The following SAMSN1 variants were observed in gnomAD, a reference collection of about 807,000 sequenced individuals.
SAMSN1 encodes the protein SAM domain-containing protein SAMSN-1.
Under a neutral mutation model 42.0 loss-of-function variants are expected in SAMSN1, and 31 were observed. The ratio of observed to expected loss-of-function variants is 0.74; its 90% CI spans 0.55 to 1.00. The LOEUF is 1.00. SAMSN1 is among the 50% of genes least tolerant of loss of function. SAMSN1 has a pLI of 0.00. For missense variants in SAMSN1, 464 were observed against 439.4 expected (o/e 1.06, Z -0.50); for synonymous variants, 178 against 151.9 (o/e 1.17, Z -1.26).
intron 2 of SAMSN1, among the ~76,000 whole-genome samples, chr21:14,630,350 AAATT>A (rs1232858932): frequency 1.3e-5 from 2 of 152,192 alleles, no homozygotes; most frequent in Non-Finnish European, 2.9e-5. Context: ...TTTTAAGAGA[AAATT>A]AAAGTAGGAA....
intron 1 of SAMSN1, among the ~76,000 whole-genome samples, chr21:14,543,122 C>T (rs1462930005): frequency 6.6e-6 from 1 of 152,124 alleles, no homozygotes; most frequent in East Asian, 1.9e-4. Flanking sequence ...CACATTAAAG[C>T]CCTTAGAAGT....
At chr21:14,491,357 C>T (rs954911991) in intron 7 of SAMSN1, among the ~76,000 whole-genome samples, 3 of 152,098 alleles carry the variant, frequency 2.0e-5, no homozygotes, top group East Asian at 1.9e-4. Flanking sequence ...ATCCTCCTGC[C>T]TCAGCCTCCC....
chr21:14,571,737 G>A (rs1981307908), intron 2 of SAMSN1, among the ~76,000 whole-genome samples: 1 of 152,106 alleles, frequency 6.6e-6, no homozygotes, highest in African/African-American at 2.4e-5. Context: ...TCACAATTCG[G>A]GAGGTCAGAA....
At chr21:14,501,720 G>T (rs1342097483) in intron 5 of SAMSN1, among the ~76,000 whole-genome samples, 1 of 152,106 alleles carries the variant, frequency 6.6e-6, no homozygotes, top group East Asian at 1.9e-4. Context: ...GTACACTAAG[G>T]ATAAATTATG....
chr21:14,608,101 A>C (rs1982611199), intron 5 of SAMSN1, among the ~76,000 whole-genome samples: 1 of 152,228 alleles, frequency 6.6e-6, no homozygotes, highest in East Asian at 1.9e-4. Context: ...CAGGAATACC[A>C]ACTTGAATGG....
intron 7 of SAMSN1, among the ~76,000 whole-genome samples, chr21:14,590,443 A>ATTTAT (rs1982048267): frequency 6.6e-6 from 1 of 151,884 alleles, no homozygotes; most frequent in Non-Finnish European, 1.5e-5. Context: ...ATGCCCGGTA[A>ATTTAT]TTTATTTTAT....
At chr21:14,534,156 T>A (rs1262113450) in intron 1 of SAMSN1, among the ~76,000 whole-genome samples, 1 of 152,248 alleles carries the variant, frequency 6.6e-6, no homozygotes, top group Non-Finnish European at 1.5e-5. Flanking sequence ...AACTATCTTC[T>A]GGAGTAGACT....
chr21:14,588,686 A>G (rs1232350831), intron 7 of SAMSN1, among the ~76,000 whole-genome samples: 2 of 152,232 alleles, frequency 1.3e-5, no homozygotes, highest in African/African-American at 2.4e-5. Flanking sequence ...TGCACATTCC[A>G]TAACTAAGAG....
At chr21:14,565,609 A>C (rs981941666) in intron 2 of SAMSN1, among the ~76,000 whole-genome samples, 2 of 152,174 alleles carry the variant, frequency 1.3e-5, no homozygotes, top group African/African-American at 2.4e-5. Context: ...CACATAAAAT[A>C]TCTCTTAGCA....
At chr21:14,569,860 T>A (rs554707593) in intron 2 of SAMSN1, among the ~76,000 whole-genome samples, 44 of 152,282 alleles carry the variant, frequency 2.9e-4, no homozygotes, top group African/African-American at 1.0e-3. Flanking sequence ...ATGATGGTTC[T>A]TACCAAAAAC....
intron 7 of SAMSN1, among the ~76,000 whole-genome samples, chr21:14,491,279 T>C (rs1986673488): frequency 6.6e-6 from 1 of 151,930 alleles, no homozygotes; most frequent in South Asian, 2.1e-4. Flanking sequence ...TTTTTTTTTT[T>C]TTAAGAGAGA....
intron 4 of SAMSN1, chr21:14,612,868 T>C: frequency 2.8e-6 from 2 of 706,788 alleles, no homozygotes; most frequent in South Asian, 1.5e-5. Flanking sequence ...ACCTTAGGAA[T>C]CACTAACCAA....
intron 1 of SAMSN1, among the ~76,000 whole-genome samples, chr21:14,540,126 T>C (rs1354279415): frequency 6.6e-6 from 1 of 152,212 alleles, no homozygotes; most frequent in Non-Finnish European, 1.5e-5. Flanking sequence ...CCTTACACCT[T>C]ATACAAAAAT....
At position 14,512,463 on chromosome 21, in the gene SAMSN1, G is replaced by A. The variant is rs1297522375; in HGVS notation, c.390C>T (p.Tyr130=). ...LKASDSMDSL[Y]SGQSSSSGIT... Reference sequence around the variant, plus strand: ...CCTTACTTGATGAGCTCTGTCCACTGTAGAGACTATCCATGGAGTCACTGG... The same window carrying A: ...CCTTACTTGATGAGCTCTGTCCACTATAGAGACTATCCATGGAGTCACTGG... Residue 130 remains tyrosine (Y), a synonymous_variant, in exon 4 of 8, where the codon TAC becomes TAT. Coordinates refer to ENST00000400566, the MANE Select transcript of SAMSN1 (RefSeq NM_022136.5). The A allele has an allele frequency of 7.4e-6, 12 of 1,614,012 alleles. No homozygotes were observed. The highest frequency in any genetic ancestry group is 1.0e-5 in the Non-Finnish European group (12 of 1,179,920).
chr21:14,558,989 C>T (rs1032606360), intron 2 of SAMSN1, among the ~76,000 whole-genome samples: 4 of 152,146 alleles, frequency 2.6e-5, no homozygotes, highest in Admixed American at 2.6e-4. Flanking sequence ...GCAAAGCATT[C>T]ATTGAAATGA....
chr21:14,578,655 C>T (rs1439912323), intron 2 of SAMSN1, among the ~76,000 whole-genome samples: 5 of 143,248 alleles, frequency 3.5e-5, no homozygotes. Flanking sequence ...TACACTCCAG[C>T]CTGGGCGACA....
intron 1 of SAMSN1, among the ~76,000 whole-genome samples, chr21:14,528,884 A>G (rs1471430744): frequency 6.6e-6 from 1 of 152,106 alleles, no homozygotes; most frequent in Admixed American, 6.6e-5. Context: ...ACTCCATGCC[A>G]TGCTATTTAT....
rs922242225 is a variant in SAMSN1, at chr21:14,486,206, C to A, written c.920-92G>T. On this transcript the variant is annotated intron_variant, in intron 7 of 7. Coordinates refer to ENST00000400566, the MANE Select transcript of SAMSN1 (RefSeq NM_022136.5). Reference sequence around the variant, plus strand: ...ACTTTCAAGTATTATCCTATTTTAACTGTTCTAACCATGACTTCATTACAA... The same window carrying A: ...ACTTTCAAGTATTATCCTATTTTAAATGTTCTAACCATGACTTCATTACAA... 4 of 840,130 alleles carry A rather than the reference C, an allele frequency of 4.8e-6. No homozygotes were observed. The African/African-American group carries it at 6.8e-5, about 14-fold the overall frequency. 52.0% of individuals were successfully genotyped at this position (840,130 alleles called of 1,614,324 possible).
chr21:14,500,659 T>C lies in SAMSN1; in HGVS notation c.638A>G (p.Asn213Ser), dbSNP rs1417289024. ...WTGMLNNKVGNFKFIYVDVIS... is the reference protein window; with the variant it reads ...WTGMLNNKVGSFKFIYVDVIS... ...GACATCCACATAAATGAATTTGAAGTTTCCCACTTTATTGTTCAACATTCC... is the reference window on the plus strand; with the variant it reads ...GACATCCACATAAATGAATTTGAAGCTTCCCACTTTATTGTTCAACATTCC... The change falls in exon 6 of 8, where the codon AAC becomes AGC. Residue 213 changes from asparagine to serine, a missense_variant. By Grantham distance (46) the Asn-to-Ser change is conservative. Coordinates refer to ENST00000400566, the MANE Select transcript of SAMSN1 (RefSeq NM_022136.5). 1 of 1,614,164 alleles carries C rather than the reference T, an allele frequency of 6.2e-7. No homozygotes were observed. The highest frequency in any genetic ancestry group is 1.6e-4 in the Middle Eastern group (1 of 6,062).
Sources: gnomAD v4.1 joint callset for allele counts (sites outside exome capture counted in the v4.1 genomes callset) on GRCh38, gnomAD v4.1.1 for gene constraint, MANE v1.5 for transcripts, NCBI Gene and HGNC (gene_info 2026-07-23, HGNC 2026-07-21) for gene names.